The following GET1 variants were observed in gnomAD, a reference collection of about 807,000 sequenced individuals.
GET1 encodes congenital heart disease 5 protein.
A neutral mutation model predicts 22.6 loss-of-function variants in GET1; 20 were observed. The ratio of observed to expected loss-of-function variants is 0.89; its 90% CI spans 0.62 to 1.29. The LOEUF is 1.29. Among genes scored for constraint, GET1 ranks in the 50% most tolerant of loss-of-function variants. The probability of loss-of-function intolerance (pLI) is 0.00; values close to 1 mark genes in which losing one functional copy is unlikely to be tolerated. For synonymous variants in GET1, 92 were observed against 83.8 expected (o/e 1.10, Z -0.53); for missense variants, 209 against 219.9 (o/e 0.95, Z 0.31).
chr21:39,420,903 T>C, intron 1 of GET1: 1 of 1,342,018 alleles, frequency 7.5e-7, no homozygotes, highest in Non-Finnish European at 1.1e-6. Flanking sequence ...AAAACTTCAA[T>C]TATCATGGAA....
chr21:39,423,504 A>G (rs772884701), intron 1 of GET1: 4 of 1,531,758 alleles, frequency 2.6e-6, no homozygotes, highest in Admixed American at 4.4e-5. Flanking sequence ...TGTAAGCAGA[A>G]AATCCAGTTT....
chr21:39,420,111 T>C (rs539391998), intron 1 of GET1, among the ~76,000 whole-genome samples: 34 of 152,340 alleles, frequency 2.2e-4, no homozygotes, highest in African/African-American at 7.7e-4. Flanking sequence ...GAATAGAGTT[T>C]CTATTTTTCT....
intron 1 of GET1, chr21:39,387,751 C>G (rs1198787555): frequency 1.0e-6 from 1 of 981,594 alleles, no homozygotes; most frequent in Non-Finnish European, 1.2e-6. Flanking sequence ...CTGGGCGGGT[C>G]AGAAACCACG....
At chr21:39,398,422 G>A (rs765339044), downstream of GET1, among the ~76,000 whole-genome samples, 7 of 152,124 alleles carry the variant, frequency 4.6e-5, no homozygotes, top group Non-Finnish European at 7.3e-5. Flanking sequence ...GATGATACCC[G>A]TATCTCTTAA....
intron 1 of GET1, among the ~76,000 whole-genome samples, chr21:39,388,385 T>A (rs1281063765): frequency 1.3e-5 from 2 of 152,138 alleles, no homozygotes; most frequent in Non-Finnish European, 2.9e-5. Flanking sequence ...GTTCCCCACG[T>A]TTCGCAGTAA....
At position 39,388,850 on chromosome 21, in the gene GET1, G is replaced by A. The variant is rs1236284704; in HGVS notation, c.103-1848G>A. 6.6e-5 allele frequency among the ~76,000 whole-genome samples: 10 copies of A among 152,320 alleles called. No homozygotes were observed. In the East Asian group the frequency reaches 1.9e-3, roughly 29 times the overall value. Reference sequence around the variant, plus strand: ...CCTGGAGAGTGGACGGCTGGGGCTGGTGCAGGGAACAGGGGCCTGCGGGGG... The same window carrying A: ...CCTGGAGAGTGGACGGCTGGGGCTGATGCAGGGAACAGGGGCCTGCGGGGG... On this transcript the variant is annotated intron_variant, in intron 1 of 4. Coordinates refer to ENST00000649170, the MANE Select transcript of GET1 (RefSeq NM_004627.6).
chr21:39,422,891 C>G, intron 1 of GET1: 2 of 1,231,232 alleles, frequency 1.6e-6, no homozygotes. Context: ...TGCTTTGTTA[C>G]AGAGGGGGCG....
intron 4 of GET1, among the ~76,000 whole-genome samples, chr21:39,403,769 T>G (rs778564921): frequency 1.7e-4 from 25 of 151,348 alleles, no homozygotes; most frequent in Non-Finnish European, 3.1e-4. Context: ...CTACAGATGC[T>G]GGCCACCACG....
At chr21:39,428,481 C>T in exon 2 of GET1, 1 of 1,574,968 alleles carries the variant, frequency 6.3e-7, no homozygotes, top group Non-Finnish European at 8.6e-7. Context: ...TTTGTTAGAT[C>T]AGCCAAAGAC....
Position 39,397,099 on chromosome 21 carries a change from T to G in GET1, c.*160T>G. On this transcript the variant is annotated 3_prime_UTR_variant, in exon 5 of 5. Coordinates refer to ENST00000649170, the MANE Select transcript of GET1 (RefSeq NM_004627.6). ...TCTTGGACTTTATGAGAGAGTCTTA[T>G]AAGAATCACGATTTTCTACACCTGT... is the stretch of plus-strand genomic sequence containing the variant. The G allele has an allele frequency of 1.4e-6, 1 of 729,886 alleles. No homozygotes were observed. The highest frequency in any genetic ancestry group is 2.2e-6 in the Non-Finnish European group (1 of 454,216). The allele number at this position is 729,886 out of a possible 1,614,324, so 45.2% of individuals were successfully genotyped here.
intron 1 of GET1, among the ~76,000 whole-genome samples, chr21:39,418,305 G>C (rs1407593885): frequency 6.6e-6 from 1 of 152,106 alleles, no homozygotes; most frequent in Admixed American, 6.5e-5. Flanking sequence ...GTATCCTAGA[G>C]ATTATTCCAT....
At chr21:39,420,585 G>A (rs1490868541) in intron 1 of GET1, 1 of 696,016 alleles carries the variant, frequency 1.4e-6, no homozygotes, top group Non-Finnish European at 2.2e-6. Flanking sequence ...CCTACAAAGG[G>A]TAGAGGAGCC....
Position 39,397,165 on chromosome 21 carries a change from AGTG to A in GET1, c.*227_*229del. 1 of 567,726 alleles carries A rather than the reference AGTG, an allele frequency of 1.8e-6. No homozygotes were observed. The highest frequency in any genetic ancestry group is 2.1e-5 in the South Asian group (1 of 47,614). 35.2% of individuals were successfully genotyped at this position (567,726 alleles called of 1,614,324 possible). ...GTCCAGTTTATGACACGTATGTACT[AGTG>A]AACACCGTCCTCGATCTGTACGAAA... On this transcript the variant is annotated 3_prime_UTR_variant, in exon 5 of 5. Transcript: ENST00000649170.
chr21:39,406,227 G>GC lies in GET1; in HGVS notation c.*245dup, dbSNP rs760830441. 1.1e-4 allele frequency: 182 copies of GC among 1,614,246 alleles called. 1 individual carries two copies. Among genetic ancestry groups the GC allele is most frequent in the Non-Finnish European group, 1.2e-5 (14 of 1,180,052 alleles). On this transcript the variant is annotated 3_prime_UTR_variant, in exon 5 of 5. Coordinates refer to the GET1 transcript ENST00000415847. ...TTTCCTCTCTGTTACTGAGATGCTT[G>GC]CCTGTACTATGACTGTACCTCATGT...
rs559909004 is a variant in GET1, at chr21:39,417,232, G to A, written c.*23+6295G>A. ...ATTTTTGTATTTTTGTAGAGATGGGGTTTCACCATGTTGGCCAGGCTGGTC... is the reference window on the plus strand; with the variant it reads ...ATTTTTGTATTTTTGTAGAGATGGGATTTCACCATGTTGGCCAGGCTGGTC... On this transcript the variant is annotated intron_variant, in intron 1 of 1. Transcript: ENST00000478273. Among the ~76,000 whole-genome samples, 5 of 152,168 alleles carry A rather than the reference G, an allele frequency of 3.3e-5. No individual in the cohort carries two copies. The South Asian group carries it at 6.2e-4, about 19-fold the overall frequency.
chr21:39,385,621 G>GC (rs2146927534), intron 1 of GET1, among the ~76,000 whole-genome samples: 1 of 152,364 alleles, frequency 6.6e-6, no homozygotes, highest in Admixed American at 6.5e-5. Flanking sequence ...CTCTGCGGGT[G>GC]CAGGGGAGGT....
At chr21:39,406,605 T>C (rs1461432101) in exon 5 of GET1, 2 of 1,570,766 alleles carry the variant, frequency 1.3e-6, no homozygotes, top group Admixed American at 2.0e-5. Context: ...TCTCTTCCCC[T>C]GATAAATCTA....
At chr21:39,390,565 C>T (rs759292628) in intron 1 of GET1, 133 bp from the exon 2 acceptor site, 15 of 1,192,894 alleles carry the variant, frequency 1.3e-5, no homozygotes, top group South Asian at 1.6e-5. Context: ...AGTTTGCATT[C>T]AGTCCTGCAG....
intron 1 of GET1, among the ~76,000 whole-genome samples, chr21:39,418,143 C>T (rs567262916): frequency 6.6e-6 from 1 of 152,166 alleles, no homozygotes; most frequent in African/African-American, 2.4e-5. Context: ...GAAAGACCTG[C>T]CTCTATGATC....
Sources: gnomAD v4.1 joint callset for allele counts (sites outside exome capture counted in the v4.1 genomes callset) on GRCh38, gnomAD v4.1.1 for gene constraint, MANE v1.5 for transcripts, NCBI Gene and HGNC (gene_info 2026-07-23, HGNC 2026-07-21) for gene names.